The following NRCAM variants were observed in gnomAD, a reference collection of about 807,000 sequenced individuals.
The protein encoded by NRCAM is NgCAM-related cell adhesion molecule.
NRCAM carries 83 observed loss-of-function variants against 156.5 expected under a neutral mutation model. That is an observed-to-expected ratio of 0.53 (90% CI 0.44 to 0.64). The LOEUF (loss-of-function observed/expected upper bound fraction) is 0.64. NRCAM is among the 30% of genes least tolerant of loss of function. The pLI, the probability that NRCAM is intolerant of heterozygous loss-of-function variation, is 0.00. For missense variants in NRCAM, 1,417 were observed against 1,597.3 expected (o/e 0.89, Z 1.92); for synonymous variants, 538 against 563.9 (o/e 0.95, Z 0.65).
chr7:108,197,914 A>G (rs200238497), intron 14 of NRCAM, 42 bp downstream of exon 14: 2 of 1,480,254 alleles, frequency 1.4e-6, no homozygotes, highest in African/African-American at 1.4e-5. Flanking sequence ...AACAGCAGTC[A>G]TTAATTTAAT....
At position 108,226,323 on chromosome 7, in the gene NRCAM, A is replaced by C. The variant is rs2093433053; in HGVS notation, c.606T>G (p.Leu202=). The C allele has an allele frequency of 3.7e-6, 6 of 1,612,202 alleles. No homozygotes were observed. In the African/African-American group the frequency reaches 4.0e-5, roughly 11 times the overall value. ...ERVSQGLNGD[L]YFSNVLPEDT... Reference sequence around the variant, plus strand: ...CCTCTGGGAGGACATTGGAAAAATAAAGGTCCCCATTCAAACCTTGAGAAA... The same window carrying C: ...CCTCTGGGAGGACATTGGAAAAATACAGGTCCCCATTCAAACCTTGAGAAA... The change falls in exon 9 of 33, where the codon CTT becomes CTG. Residue 202 remains leucine, a synonymous_variant. Coordinates refer to ENST00000379028, the MANE Select transcript of NRCAM (RefSeq NM_001037132.4).
intron 2 of NRCAM, among the ~76,000 whole-genome samples, chr7:108,365,343 T>A (rs2099585533): frequency 6.6e-6 from 1 of 152,168 alleles, no homozygotes; most frequent in African/African-American, 2.4e-5. Context: ...AAATCTTGTA[T>A]TTCTCATCAA....
At chr7:108,284,949 G>A (rs1478521985) in intron 3 of NRCAM, among the ~76,000 whole-genome samples, 4 of 152,228 alleles carry the variant, frequency 2.6e-5, no homozygotes, top group African/African-American at 9.6e-5. Context: ...GTTGTGGGTA[G>A]AAGGGCTCAT....
chr7:108,423,624 A>T (rs1201708993), intron 1 of NRCAM, among the ~76,000 whole-genome samples: 2 of 152,258 alleles, frequency 1.3e-5, no homozygotes, highest in African/African-American at 4.8e-5. Flanking sequence ...ATAAGTCTAT[A>T]TTCCAGCTAA....
intron 32 of NRCAM, chr7:108,156,505 G>C: frequency 5.2e-6 from 4 of 769,748 alleles, no homozygotes; most frequent in Non-Finnish European, 6.3e-6. Flanking sequence ...GAGGGTAACT[G>C]CTTGGGGGTG....
intron 2 of NRCAM, among the ~76,000 whole-genome samples, chr7:108,338,253 C>T (rs1045168491): frequency 2.6e-5 from 4 of 152,238 alleles, no homozygotes; most frequent in African/African-American, 9.6e-5. Flanking sequence ...CTAACCATGA[C>T]TTTCTTAAAA....
At chr7:108,438,839 C>T (rs769734972) in intron 1 of NRCAM, among the ~76,000 whole-genome samples, 1 of 151,888 alleles carries the variant, frequency 6.6e-6, no homozygotes, top group Non-Finnish European at 1.5e-5. Flanking sequence ...CACTAACAAA[C>T]GATCTAAAAT....
chr7:108,189,806 A>G lies in NRCAM; in HGVS notation c.1934-60T>C, dbSNP rs1402827558. 5 of 711,144 alleles carry G rather than the reference A, an allele frequency of 7.0e-6. No homozygotes were observed. The African/African-American group carries it at 9.0e-5, about 13-fold the overall frequency. 44.1% of individuals were successfully genotyped at this position (711,144 alleles called of 1,614,324 possible). A position where few individuals can be genotyped will look rare whatever the true frequency, so the allele number is the denominator to read the frequency against. On this transcript the variant is annotated intron_variant, in intron 19 of 32. Transcript: ENST00000379028. ...ATCCATCTTTAAGAGGCTCTCCTTT[A>G]CTCGTGATACTATTCACAGAGGGGA...
intron 3 of NRCAM, among the ~76,000 whole-genome samples, chr7:108,266,575 A>C (rs1031974613): frequency 1.2e-4 from 18 of 152,236 alleles, no homozygotes; most frequent in African/African-American, 4.3e-4. Context: ...AAAGAGATAG[A>C]GTTCAAATCA....
At chr7:108,418,560 T>TACACACACACACACACAC (rs59582056) in intron 1 of NRCAM, among the ~76,000 whole-genome samples, 1 of 143,624 alleles carries the variant, frequency 7.0e-6, no homozygotes, top group African/African-American at 2.6e-5. Context: ...ATACATATTA[T>TACACACACACACACACAC]ACACACACAC....
At chr7:108,389,232 C>T (rs2099751731) in intron 2 of NRCAM, among the ~76,000 whole-genome samples, 2 of 152,192 alleles carry the variant, frequency 1.3e-5, no homozygotes, top group Non-Finnish European at 2.9e-5. Context: ...TCTCTTATTT[C>T]GTTGAGCAGT....
At chr7:108,381,453 G>C (rs1011082577) in intron 2 of NRCAM, among the ~76,000 whole-genome samples, 1 of 152,024 alleles carries the variant, frequency 6.6e-6, no homozygotes, top group Non-Finnish European at 1.5e-5. Flanking sequence ...GGCCTTCACT[G>C]TGTATCCAAG....
At chr7:108,263,108 T>A (rs2096944045) in intron 3 of NRCAM, among the ~76,000 whole-genome samples, 1 of 152,100 alleles carries the variant, frequency 6.6e-6, no homozygotes, top group African/African-American at 2.4e-5. Context: ...TTAGAGTGAG[T>A]GTCTCATCCC....
intron 2 of NRCAM, among the ~76,000 whole-genome samples, chr7:108,324,893 T>C (rs2099049800): frequency 6.8e-6 from 1 of 146,366 alleles, no homozygotes; most frequent in Admixed American, 6.8e-5. Flanking sequence ...TTTTTTTTTT[T>C]TTTTTTTTTT....
At chr7:108,187,766 A>G (rs2067978933) in intron 20 of NRCAM, among the ~76,000 whole-genome samples, 1 of 152,008 alleles carries the variant, frequency 6.6e-6, no homozygotes, top group African/African-American at 2.4e-5. Flanking sequence ...TCTGGCTAGT[A>G]CGGCAAAACC....
intron 18 of NRCAM, among the ~76,000 whole-genome samples, 163 bp from the exon 19 acceptor site, chr7:108,191,446 A>G (rs1042778451): frequency 3.9e-5 from 6 of 152,066 alleles, no homozygotes; most frequent in African/African-American, 7.2e-5. Flanking sequence ...ACAATTTAGG[A>G]AAAAAAACCT....
chr7:108,170,362 G>A (rs2057718663), intron 28 of NRCAM, among the ~76,000 whole-genome samples: 1 of 152,142 alleles, frequency 6.6e-6, no homozygotes. Flanking sequence ...TTGGGCCCCA[G>A]AATCACTAAG....
intron 31 of NRCAM, among the ~76,000 whole-genome samples, 158 bp from the exon 32 acceptor site, chr7:108,159,699 G>C (rs547856084): frequency 6.6e-6 from 1 of 152,084 alleles, no homozygotes; most frequent in East Asian, 1.9e-4. Context: ...ATATATTTTG[G>C]TATTTTAGTT....
intron 2 of NRCAM, among the ~76,000 whole-genome samples, chr7:108,346,875 C>G (rs6956163): frequency 0.24 from 35,034 of 148,546 alleles, 4,398 homozygotes; most frequent in East Asian, 0.46. Flanking sequence ...TATGAGCTAC[C>G]TCATTAATTG....
Sources: gnomAD v4.1 joint callset for allele counts (sites outside exome capture counted in the v4.1 genomes callset) on GRCh38, gnomAD v4.1.1 for gene constraint, MANE v1.5 for transcripts, NCBI Gene and HGNC (gene_info 2026-07-23, HGNC 2026-07-21) for gene names.